The following MTRFR variants were observed in gnomAD, a reference collection of about 807,000 sequenced individuals.
MTRFR encodes the protein probable peptide chain release factor C12orf65, mitochondrial.
In MTRFR, 10 loss-of-function variants were observed where a neutral mutation model predicts 11.9. The observed-to-expected ratio is 0.84, with a 90% confidence interval of 0.52 to 1.42. The LOEUF is 1.42. MTRFR is among the 40% of genes most tolerant of loss of function. The pLI is 0.00. For synonymous variants in MTRFR, 77 were observed against 79.1 expected (o/e 0.97, Z 0.14); for missense variants, 196 against 197.9 (o/e 0.99, Z 0.06).
At chr12:123,254,352 C>T (rs138179000) in intron 2 of MTRFR, 202 of 219,482 alleles carry the variant, frequency 9.2e-4, no homozygotes, top group Admixed American at 1.5e-3. Flanking sequence ...GGAAGGCTGC[C>T]GAGATCCCCA....
intron 1 of MTRFR, among the ~76,000 whole-genome samples, chr12:123,242,564 T>C (rs1034034709): frequency 2.0e-5 from 3 of 152,172 alleles, no homozygotes; most frequent in African/African-American, 7.2e-5. Context: ...CTCCAGGAGA[T>C]ACTAAAAGTG....
chr12:123,234,861 C>G (rs916919029), intron 1 of MTRFR, among the ~76,000 whole-genome samples: 1 of 152,208 alleles, frequency 6.6e-6, no homozygotes, highest in Admixed American at 6.5e-5. Context: ...TTTTTGGCAT[C>G]ACAGTGATCT....
chr12:123,242,790 G>A (rs376502704), intron 1 of MTRFR, among the ~76,000 whole-genome samples: 1 of 152,158 alleles, frequency 6.6e-6, no homozygotes, highest in African/African-American at 2.4e-5. Flanking sequence ...TGGGAGTCTC[G>A]CCTTGCCTTG....
chr12:123,257,722 A>G lies in MTRFR; in HGVS notation c.*691A>G, dbSNP rs970051198. 1 of 151,248 alleles carries G rather than the reference A, an allele frequency of 6.6e-6. No individual in the cohort carries two copies. Among genetic ancestry groups the G allele is most frequent in the Non-Finnish European group, 1.5e-5 (1 of 68,088 alleles). The allele number at this position is 151,248 out of a possible 1,614,324, so 9.4% of individuals were successfully genotyped here. A position where few individuals can be genotyped will look rare whatever the true frequency, so the allele number is the denominator to read the frequency against. ...TGTCTCTAAAAAATAAGATAAAACC[A>G]TAAAGAAACACAGTCAGTACTATAC... is the stretch of plus-strand genomic sequence containing the variant. On this transcript the variant is annotated 3_prime_UTR_variant, in exon 3 of 3. Transcript: ENST00000253233.
chr12:123,233,414 G>A (rs963888339), upstream of MTRFR: 4 of 152,424 alleles, frequency 2.6e-5, no homozygotes, highest in Admixed American at 2.0e-4. Context: ...GTAGATAAGA[G>A]AAACCGCGAT....
chr12:123,247,556 T>C (rs1381096357), intron 1 of MTRFR, among the ~76,000 whole-genome samples: 1 of 152,208 alleles, frequency 6.6e-6, no homozygotes, highest in Non-Finnish European at 1.5e-5. Flanking sequence ...GTGAGTCTCC[T>C]GAGGGCAGCA....
intron 2 of MTRFR, chr12:123,254,964 G>A (rs569030524): frequency 6.6e-6 from 1 of 152,058 alleles, no homozygotes; most frequent in South Asian, 2.1e-4. Flanking sequence ...TGGTCAGAGG[G>A]GCTCCCAGTC....
chr12:123,234,596 CA>C, intron 1 of MTRFR, among the ~76,000 whole-genome samples: 1 of 152,066 alleles, frequency 6.6e-6, no homozygotes, highest in East Asian at 1.9e-4. Flanking sequence ...GGGGTTTTGC[CA>C]TATTGGCCAG....
intron 1 of MTRFR, among the ~76,000 whole-genome samples, chr12:123,247,306 G>C (rs2048056374): frequency 6.6e-6 from 1 of 152,110 alleles, no homozygotes; most frequent in Non-Finnish European, 1.5e-5. Flanking sequence ...AGGTCTGTTA[G>C]TAATTGTTTT....
Position 123,257,526 on chromosome 12 carries a change from C to CAA in MTRFR, c.*504_*505dup. ...TGGGTGACAGAGCGAGACCCCATCT[C>CAA]AAAAAAAAAATAAAACTAGTTCAAG... On this transcript the variant is annotated 3_prime_UTR_variant, in exon 3 of 3. Coordinates refer to ENST00000253233, the MANE Select transcript of MTRFR (RefSeq NM_152269.5). 6.5e-6 allele frequency: 1 copy of CAA among 152,718 alleles called. No homozygotes were observed. Among genetic ancestry groups the CAA allele is most frequent in the Non-Finnish European group, 1.4e-5 (1 of 69,858 alleles). The allele number at this position is 152,718 out of a possible 1,614,324, so 9.5% of individuals were successfully genotyped here.
intron 1 of MTRFR, chr12:123,250,850 G>C (rs1165848579): frequency 6.6e-6 from 1 of 152,258 alleles, no homozygotes; most frequent in Non-Finnish European, 1.5e-5. Flanking sequence ...GAAAGCATCA[G>C]CTGTGGTAAT....
chr12:123,242,520 G>C (rs1487352828), intron 1 of MTRFR, among the ~76,000 whole-genome samples: 3 of 152,128 alleles, frequency 2.0e-5, no homozygotes, highest in Non-Finnish European at 4.4e-5. Context: ...GGGTGTGTTT[G>C]TCATTTTTAG....
intron 1 of MTRFR, among the ~76,000 whole-genome samples, chr12:123,235,408 T>G (rs947672767): frequency 2.0e-5 from 3 of 150,996 alleles, no homozygotes; most frequent in Admixed American, 2.0e-4. Flanking sequence ...GTAGTGAGTT[T>G]TGTGTGTGTG....
In MTRFR at chr12:123,253,701, T is replaced by G. The variant is rs1361831518; in HGVS notation, c.27T>G (p.Phe9Leu). The stretch of plus-strand genomic sequence containing the variant: ...TGAGCACCGTGGGTTTATTTCATTT[T>G]CCTACACCACTGACCCGAATATGCC... MSTVGLFH[F>L]PTPLTRICPA... is the part of the protein sequence containing the mutation. The change falls in exon 2 of 3, where the codon TTT becomes TTG. Residue 9 changes from phenylalanine (F) to leucine (L), a missense_variant. Transcript: ENST00000253233. 6.2e-6 allele frequency: 10 copies of G among 1,614,050 alleles called. No individual in the cohort carries two copies. In the Admixed American group the frequency reaches 1.7e-4, roughly 27 times the overall value.
At chr12:123,253,070 A>T (rs1026630036) in intron 1 of MTRFR, among the ~76,000 whole-genome samples, 162 of 34,836 alleles carry the variant, frequency 4.7e-3, no homozygotes, top group South Asian at 0.031. Context: ...GTTCCTTTGA[A>T]TTTTTTTTTT....
intron 1 of MTRFR, among the ~76,000 whole-genome samples, chr12:123,244,718 C>T (rs1267415323): frequency 4.0e-5 from 6 of 151,884 alleles, no homozygotes; most frequent in East Asian, 1.9e-4. Context: ...CTGCAACCTC[C>T]GCCTCATGGG....
At chr12:123,256,394 A>G (rs925812770) in intron 2 of MTRFR, among the ~76,000 whole-genome samples, 6 of 152,232 alleles carry the variant, frequency 3.9e-5, no homozygotes, top group Admixed American at 1.3e-4. Context: ...GGGCAGAGGC[A>G]GGAAAGGGGC....
At position 123,257,809 on chromosome 12, in the gene MTRFR, T is replaced by C. The variant is rs1248214633; in HGVS notation, c.*778T>C. On this transcript the variant is annotated 3_prime_UTR_variant, in exon 3 of 3. Coordinates refer to ENST00000253233, the MANE Select transcript of MTRFR (RefSeq NM_152269.5). ...ATTGTGATGAGGCACTTGGAGGGGTTCTGGGGTGCCTGACAAAGTTCTGTT... is the reference window on the plus strand; with the variant it reads ...ATTGTGATGAGGCACTTGGAGGGGTCCTGGGGTGCCTGACAAAGTTCTGTT... 2 of 152,408 alleles carry C rather than the reference T, an allele frequency of 1.3e-5. No individual in the cohort carries two copies. The highest frequency in any genetic ancestry group is 4.8e-5 in the African/African-American group (2 of 41,598). The allele number at this position is 152,408 out of a possible 1,614,324, so 9.4% of individuals were successfully genotyped here. A position where few individuals can be genotyped will look rare whatever the true frequency, so the allele number is the denominator to read the frequency against.
chr12:123,257,013 A>G lies in MTRFR; in HGVS notation c.483A>G (p.Ser161=). The G allele has an allele frequency of 6.2e-7, 1 of 1,612,394 alleles. No homozygotes were observed. Among genetic ancestry groups the G allele is most frequent in the Non-Finnish European group, 8.5e-7 (1 of 1,179,550 alleles). ...KKKLLKELWE[S]SKKVH ...AGCTACTTAAAGAACTGTGGGAGTC[A>G]AGTAAAAAGGTCCACTGAGAAAAGA... The change falls in exon 3 of 3, where the codon TCA becomes TCG. Residue 161 remains serine (S), a synonymous_variant. Coordinates refer to ENST00000253233, the MANE Select transcript of MTRFR (RefSeq NM_152269.5).
Sources: allele counts gnomAD v4.1 joint callset (sites outside exome capture counted in the v4.1 genomes callset), GRCh38; gene constraint gnomAD v4.1.1; transcripts MANE v1.5; gene names NCBI Gene and HGNC (gene_info 2026-07-23, HGNC 2026-07-21).